The following MCC variants were observed in gnomAD, a reference collection of about 807,000 sequenced individuals.
MCC encodes MCC regulator of Wnt signaling pathway.
In MCC, 90 loss-of-function variants were observed where a neutral mutation model predicts 116.2. The observed-to-expected ratio is 0.77, with a 90% CI of 0.65 to 0.92. The LOEUF (loss-of-function observed/expected upper bound fraction) is 0.92, where lower values mean the gene tolerates loss of function less well. MCC is among the 40% of genes least tolerant of loss of function. The pLI is 0.00. For synonymous variants in MCC, 578 were observed against 510.5 expected (o/e 1.13, Z -1.78); for missense variants, 1,516 against 1,312.2 (o/e 1.16, Z -2.40).
At chr5:113,070,112 T>C (rs116547480) in intron 12 of MCC, among the ~76,000 whole-genome samples, 1,651 of 152,350 alleles carry the variant, frequency 0.011, 50 homozygotes, top group African/African-American at 0.037. Context: ...AGATGGATTA[T>C]CTGCTTGCTT....
intron 12 of MCC, among the ~76,000 whole-genome samples, chr5:113,069,356 A>G (rs547208761): frequency 1.1e-4 from 16 of 152,364 alleles, no homozygotes; most frequent in Admixed American, 9.8e-4. Context: ...ACAAGGTAAA[A>G]TATCAAACAA....
At chr5:113,060,920 T>C (rs1248534995) in intron 14 of MCC, among the ~76,000 whole-genome samples, 1 of 152,208 alleles carries the variant, frequency 6.6e-6, no homozygotes, top group Non-Finnish European at 1.5e-5. Flanking sequence ...TTCAGCCAGA[T>C]CTAGTCTGAC....
At chr5:113,445,585 G>T (rs1273751729) in intron 1 of MCC, among the ~76,000 whole-genome samples, 5 of 152,098 alleles carry the variant, frequency 3.3e-5, no homozygotes, top group Non-Finnish European at 5.9e-5. Flanking sequence ...ACTGCTGAAA[G>T]AAATCATAGG....
At chr5:113,443,148 A>G (rs1299084729) in intron 1 of MCC, among the ~76,000 whole-genome samples, 1 of 148,862 alleles carries the variant, frequency 6.7e-6, no homozygotes, top group Admixed American at 6.6e-5. Flanking sequence ...ATGTTTTTCC[A>G]TTTGTTTGTG....
chr5:113,317,424 A>C (rs917250221), intron 3 of MCC, among the ~76,000 whole-genome samples: 1 of 152,254 alleles, frequency 6.6e-6, no homozygotes, highest in African/African-American at 2.4e-5. Context: ...TGGTAGATTT[A>C]TTTGAGTAAA....
chr5:113,325,428 C>CTT (rs34751344), intron 3 of MCC, among the ~76,000 whole-genome samples: 55 of 137,718 alleles, frequency 4.0e-4, no homozygotes, highest in Non-Finnish European at 4.1e-4. Context: ...TCTCGCAGCA[C>CTT]TTTTTTTTTT....
At chr5:113,077,034 C>T (rs1426774172) in intron 11 of MCC, among the ~76,000 whole-genome samples, 2 of 152,044 alleles carry the variant, frequency 1.3e-5, no homozygotes, top group Admixed American at 1.3e-4. Context: ...AGACTTTAAA[C>T]CAACAAAGAT....
At chr5:113,393,248 G>A (rs1448515694) in intron 1 of MCC, among the ~76,000 whole-genome samples, 4 of 151,898 alleles carry the variant, frequency 2.6e-5, no homozygotes, top group Admixed American at 2.6e-4. Flanking sequence ...ATCTGGGTAT[G>A]GTACATATGT....
rs144991468 is a variant in MCC at position 113,155,465 on chromosome 5, T to C, written c.628-4043A>G. On this transcript the variant is annotated intron_variant, in intron 3 of 18. Coordinates refer to ENST00000408903, the MANE Select transcript of MCC (RefSeq NM_001085377.2). ...GGTTTTTTTAGGAACCTCCACACTG[T>C]TTTCCATAATGGTTGTCCTAATTTA... Among the ~76,000 whole-genome samples, 376 of 152,300 alleles carry C rather than the reference T, an allele frequency of 2.5e-3. 1 individual carries two copies. The highest frequency in any genetic ancestry group is 0.014 in the Middle Eastern group (4 of 294).
At chr5:113,119,405 G>A (rs969087872) in intron 6 of MCC, among the ~76,000 whole-genome samples, 2 of 152,172 alleles carry the variant, frequency 1.3e-5, no homozygotes, top group African/African-American at 4.8e-5. Flanking sequence ...CAGCTGCCGA[G>A]GAAGGAGGGC....
chr5:113,267,542 G>A (rs1235587891), intron 3 of MCC, among the ~76,000 whole-genome samples: 1 of 152,092 alleles, frequency 6.6e-6, no homozygotes, highest in Non-Finnish European at 1.5e-5. Flanking sequence ...TTCTGTCAGG[G>A]GCAACATTCC....
rs1475175346 is a variant in MCC at position 113,059,146 on chromosome 5, A to T, written c.2213+4838T>A. ...TATAGTTTTCAAAGAGGAAGGAAAT[A>T]AAAAAAAAAAATAACAAAAGATCTC... On this transcript the variant is annotated intron_variant, in intron 14 of 18. Coordinates refer to ENST00000408903, the MANE Select transcript of MCC (RefSeq NM_001085377.2). Among the ~76,000 whole-genome samples the T allele has an allele frequency of 1.5e-3, 5 of 3,446 alleles. No individual in the cohort carries two copies. In the Admixed American group the frequency reaches 0.017, roughly 12 times the overall value. 2.3% of individuals were successfully genotyped at this position (3,446 alleles called of 152,430 possible).
intron 17 of MCC, among the ~76,000 whole-genome samples, chr5:113,032,165 C>G (rs1750998361): frequency 6.6e-6 from 1 of 152,214 alleles, no homozygotes. Flanking sequence ...AATCCCAGCA[C>G]TTTGGTAGGC....
At chr5:113,236,945 A>T (rs1273009817) in intron 3 of MCC, among the ~76,000 whole-genome samples, 1 of 152,216 alleles carries the variant, frequency 6.6e-6, no homozygotes, top group East Asian at 1.9e-4. Context: ...GCTGCAATGA[A>T]TATACTGAAA....
intron 6 of MCC, among the ~76,000 whole-genome samples, chr5:113,108,642 G>C (rs1408467446): frequency 9.3e-6 from 1 of 108,006 alleles, no homozygotes; most frequent in African/African-American, 3.4e-5. Flanking sequence ...AAGAGAGCGA[G>C]ACTCCATTTC....
chr5:113,026,746 T>TA lies in MCC; in HGVS notation c.*555_*556insT, dbSNP rs779666265. 2 of 153,504 alleles carry TA rather than the reference T, an allele frequency of 1.3e-5. No individual in the cohort carries two copies. The highest frequency in any genetic ancestry group is 2.9e-5 in the Non-Finnish European group (2 of 69,100). The allele number at this position is 153,504 out of a possible 1,614,324, so 9.5% of individuals were successfully genotyped here. ...TCCCATGACCTATAACTCCCAGAGATCACCTCTTATGGCCGCCTCTATCTT... is the reference window on the plus strand; with the variant it reads ...TCCCATGACCTATAACTCCCAGAGATACACCTCTTATGGCCGCCTCTATCTT... On this transcript the variant is annotated 3_prime_UTR_variant, in exon 19 of 19. Transcript: ENST00000408903.
intron 3 of MCC, among the ~76,000 whole-genome samples, chr5:113,244,312 T>C (rs183139685): frequency 2.5e-4 from 38 of 152,236 alleles, no homozygotes; most frequent in Admixed American, 1.0e-3. Flanking sequence ...TACAGTTAAA[T>C]AATCTACAAG....
At chr5:113,114,095 A>G (rs1007175260) in intron 6 of MCC, among the ~76,000 whole-genome samples, 1 of 152,068 alleles carries the variant, frequency 6.6e-6, no homozygotes. Flanking sequence ...TTAGAAAAAA[A>G]CGTATACACA....
rs138891712 is a variant in MCC at position 113,156,112 on chromosome 5, T to C, written c.628-4690A>G. Reference sequence around the variant, plus strand: ...AAAGGTGCCTCAGTCCCTAGCAACTTTGTGGAGCCACCCCACCAGTTTTGG... The same window carrying C: ...AAAGGTGCCTCAGTCCCTAGCAACTCTGTGGAGCCACCCCACCAGTTTTGG... On this transcript the variant is annotated intron_variant, in intron 3 of 18. Coordinates refer to ENST00000408903, the MANE Select transcript of MCC (RefSeq NM_001085377.2). Among the ~76,000 whole-genome samples, 5 of 152,328 alleles carry C rather than the reference T, an allele frequency of 3.3e-5. No homozygotes were observed. The East Asian group carries it at 9.6e-4, about 29-fold the overall frequency.
Sources: gnomAD v4.1 joint callset for allele counts (sites outside exome capture counted in the v4.1 genomes callset) on GRCh38, gnomAD v4.1.1 for gene constraint, MANE v1.5 for transcripts, NCBI Gene and HGNC (gene_info 2026-07-23, HGNC 2026-07-21) for gene names.